CCDC15: variants seen among roughly 807,000 people sequenced by gnomAD.
CCDC15 encodes coiled-coil domain containing 15.
Under a neutral mutation model 114.5 loss-of-function variants are expected in CCDC15, and 105 were observed. That is an observed-to-expected ratio of 0.92 (90% CI 0.78 to 1.08). CCDC15 has a LOEUF of 1.08. CCDC15 is among the 50% of genes least tolerant of loss of function. CCDC15 has a pLI of 0.00. For synonymous variants in CCDC15, 334 were observed against 377.8 expected (o/e 0.88, Z 1.34); for missense variants, 1,105 against 1,093.6 (o/e 1.01, Z -0.15).
chr11:125,038,237 T>C, intron 13 of CCDC15, 194 bp from the exon 14 acceptor site: 1 of 425,152 alleles, frequency 2.4e-6, no homozygotes, highest in Non-Finnish European at 4.1e-6. Context: ...ACTCTTTTAA[T>C]AGTAGCCATT....
At chr11:124,969,337 T>C (rs898850213) in intron 4 of CCDC15, among the ~76,000 whole-genome samples, 14 of 152,278 alleles carry the variant, frequency 9.2e-5, no homozygotes, top group African/African-American at 3.4e-4. Flanking sequence ...TCTTATAATA[T>C]ATAGAACCAG....
chr11:124,991,100 A>G (rs1948260750), intron 8 of CCDC15, among the ~76,000 whole-genome samples: 1 of 152,232 alleles, frequency 6.6e-6, no homozygotes, highest in African/African-American at 2.4e-5. Flanking sequence ...CATAGAAAGC[A>G]AGTCTGAAGC....
rs1947995736 is a variant in CCDC15 at position 124,977,592 on chromosome 11, G to A, written c.745G>A (p.Glu249Lys). 2 of 1,600,846 alleles carry A rather than the reference G, an allele frequency of 1.2e-6. No homozygotes were observed. Among genetic ancestry groups the A allele is most frequent in the African/African-American group, 2.7e-5 (2 of 74,150 alleles). Reference sequence around the variant, plus strand: ...TGCTGTACCTTACCAGAATTATATGGAAAATCAGGTAGGGAAATATAAAAA... The same window carrying A: ...TGCTGTACCTTACCAGAATTATATGAAAAATCAGGTAGGGAAATATAAAAA... ...LAAVPYQNYM[E>K]NQELDYEEPD... The change falls in exon 6 of 16, where the codon GAA becomes AAA. Residue 249 changes from glutamate to lysine, a missense_variant. Glu to Lys is a moderately conservative substitution (Grantham distance 56). Coordinates refer to ENST00000344762, the MANE Select transcript of CCDC15 (RefSeq NM_025004.3).
chr11:124,959,231 A>C lies in CCDC15; in HGVS notation c.294A>C (p.Arg98Ser). The change falls in exon 3 of 16, where the codon AGA becomes AGC. Residue 98 changes from arginine to serine, a missense_variant. Physicochemically the swap from Arg to Ser is moderately radical, Grantham distance 110. Transcript: ENST00000344762. The stretch of plus-strand genomic sequence containing the variant: ...GAGTAAATCAACAAATTAGGTTGAG[A>C]AAAAAGCAACAGCTTCAGAAGTCTT... ...KYRVNQQIRLRKKQQLQKSYE... is the reference protein window; with the variant it reads ...KYRVNQQIRLSKKQQLQKSYE... 6.3e-7 allele frequency: 1 copy of C among 1,582,254 alleles called. No individual in the cohort carries two copies. The highest frequency in any genetic ancestry group is 8.6e-7 in the Non-Finnish European group (1 of 1,169,270).
At chr11:125,025,970 G>A (rs988478370) in intron 13 of CCDC15, among the ~76,000 whole-genome samples, 6 of 151,846 alleles carry the variant, frequency 4.0e-5, no homozygotes, top group Non-Finnish European at 5.9e-5. Context: ...ATTTGGTATA[G>A]TTTGAGTATT....
chr11:125,005,492 C>G (rs1030834373), intron 13 of CCDC15, among the ~76,000 whole-genome samples: 2 of 152,088 alleles, frequency 1.3e-5, no homozygotes, highest in Admixed American at 6.6e-5. Flanking sequence ...CGTAGCCTCT[C>G]CTACTGTCAC....
chr11:125,031,348 G>T (rs1948738003), intron 13 of CCDC15, among the ~76,000 whole-genome samples: 1 of 152,234 alleles, frequency 6.6e-6, no homozygotes, highest in African/African-American at 2.4e-5. Context: ...GGGGAGAGAA[G>T]GCAGGGTAGC....
intron 13 of CCDC15, among the ~76,000 whole-genome samples, chr11:125,029,404 C>G (rs1183209896): frequency 6.6e-6 from 1 of 152,184 alleles, no homozygotes; most frequent in Non-Finnish European, 1.5e-5. Context: ...TACAACTATT[C>G]TTCATACAAC....
rs542504951 is a variant in CCDC15, at chr11:125,003,270, T to C, written c.2215-597T>C. On this transcript the variant is annotated intron_variant, in intron 11 of 15. Transcript: ENST00000344762. Reference sequence around the variant, plus strand: ...GCAACCTTGTTGAAAGATAAATAACTCTTAAACTTAAGAGATGAAATAATT... The same window carrying C: ...GCAACCTTGTTGAAAGATAAATAACCCTTAAACTTAAGAGATGAAATAATT... Among the ~76,000 whole-genome samples the C allele has an allele frequency of 5.3e-3, 804 of 151,732 alleles. 6 individuals carry two copies. The highest frequency in any genetic ancestry group is 0.018 in the African/African-American group (750 of 41,340).
chr11:124,989,507 G>A (rs902258000), intron 8 of CCDC15, among the ~76,000 whole-genome samples: 1 of 152,228 alleles, frequency 6.6e-6, no homozygotes, highest in Admixed American at 6.5e-5. Flanking sequence ...GAGTCAGCCT[G>A]TCCTTTGAAA....
intron 13 of CCDC15, among the ~76,000 whole-genome samples, chr11:125,007,937 G>A (rs1468350756): frequency 6.6e-6 from 1 of 152,206 alleles, no homozygotes; most frequent in Non-Finnish European, 1.5e-5. Context: ...GGTGTGGCAT[G>A]TAGCTTTATA....
chr11:124,963,149 A>G (rs1947704336), intron 4 of CCDC15, among the ~76,000 whole-genome samples: 1 of 152,230 alleles, frequency 6.6e-6, no homozygotes, highest in South Asian at 2.1e-4. Context: ...TCCTTTGGGT[A>G]TATACCAAGT....
intron 6 of CCDC15, among the ~76,000 whole-genome samples, chr11:124,980,532 T>G (rs1234678806): frequency 6.6e-6 from 1 of 152,248 alleles, no homozygotes; most frequent in African/African-American, 2.4e-5. Context: ...TATCCATTTC[T>G]TCCAGATTTT....
At chr11:124,970,352 A>G (rs1947858670) in intron 4 of CCDC15, among the ~76,000 whole-genome samples, 1 of 152,094 alleles carries the variant, frequency 6.6e-6, no homozygotes, top group South Asian at 2.1e-4. Flanking sequence ...CAATTGTGAC[A>G]AAAGAAAGAT....
intron 2 of CCDC15, among the ~76,000 whole-genome samples, chr11:124,958,847 C>T (rs1431758757): frequency 6.6e-6 from 1 of 152,080 alleles, no homozygotes; most frequent in Non-Finnish European, 1.5e-5. Flanking sequence ...GGTAAGTAAC[C>T]TGGTGTGTCT....
At position 124,968,268 on chromosome 11, in the gene CCDC15, C is replaced by A. The variant is rs540702021; in HGVS notation, c.517-6828C>A. ...TATGCCCTGACCCTGGAGGTGGAGT[C>A]TACAGAGGCAGACAGGCCTCGTTGA... is the stretch of plus-strand genomic sequence containing the variant. On this transcript the variant is annotated intron_variant, in intron 4 of 15. Transcript: ENST00000344762. Among the ~76,000 whole-genome samples the A allele has an allele frequency of 5.3e-5, 8 of 150,988 alleles. No individual in the cohort carries two copies. The South Asian group carries it at 1.7e-3, about 32-fold the overall frequency.
intron 13 of CCDC15, among the ~76,000 whole-genome samples, chr11:125,005,946 TTTAG>T (rs1300527758): frequency 2.6e-5 from 4 of 152,186 alleles, no homozygotes; most frequent in Non-Finnish European, 4.4e-5. Context: ...TGTATCACAG[TTTAG>T]TTATTCATTC....
intron 9 of CCDC15, among the ~76,000 whole-genome samples, chr11:124,992,187 A>G (rs1320600049): frequency 6.6e-6 from 1 of 152,208 alleles, no homozygotes; most frequent in Non-Finnish European, 1.5e-5. Flanking sequence ...TATATGAGTC[A>G]AAATCAGTTC....
chr11:125,017,364 TA>T (rs139487349), intron 13 of CCDC15, among the ~76,000 whole-genome samples: 2,733 of 152,222 alleles, frequency 0.018, 43 homozygotes, highest in Non-Finnish European at 0.026. Context: ...ATGCACCACA[TA>T]AAGATGTTTT....
Sources: allele counts gnomAD v4.1 joint callset (sites outside exome capture counted in the v4.1 genomes callset), GRCh38; gene constraint gnomAD v4.1.1; transcripts MANE v1.5; gene names NCBI Gene and HGNC (gene_info 2026-07-23, HGNC 2026-07-21).